Variants in FAM135B observed in about 807,000 individuals in gnomAD.
FAM135B encodes the protein family with sequence similarity 135 member B.
FAM135B carries 43 observed loss-of-function variants against 127.7 expected under a neutral mutation model. That is an observed-to-expected ratio of 0.34 (90% CI 0.26 to 0.43). The LOEUF (loss-of-function observed/expected upper bound fraction) is 0.43. FAM135B is among the 20% of genes least tolerant of loss of function. The probability of loss-of-function intolerance (pLI) is 1.00; values close to 1 mark genes in which losing one functional copy is unlikely to be tolerated. For synonymous variants in FAM135B, 670 were observed against 665.1 expected, an observed-to-expected ratio of 1.01 and a Z score of -0.11; for missense variants, 1,558 against 1,725.6, an observed-to-expected ratio of 0.90 and a Z score of 1.72.
Position 138,262,725 on chromosome 8 carries a change from C to T in FAM135B, c.297+2978G>A, listed in dbSNP as rs550681238. 5.9e-5 allele frequency among the ~76,000 whole-genome samples: 9 copies of T among 151,728 alleles called. No individual in the cohort carries two copies. In the East Asian group the frequency reaches 1.2e-3, roughly 20 times the overall value. Reference sequence around the variant, plus strand: ...ACCAGCCTGGCCAACATAGTGAAACCTTGTCTCTACTAAAAATACAAAAAA... The same window carrying T: ...ACCAGCCTGGCCAACATAGTGAAACTTTGTCTCTACTAAAAATACAAAAAA... On this transcript the variant is annotated intron_variant, in intron 4 of 19. Coordinates refer to ENST00000395297, the MANE Select transcript of FAM135B (RefSeq NM_015912.4).
At chr8:138,477,756 T>C (rs1000741929) in intron 1 of FAM135B, among the ~76,000 whole-genome samples, 6 of 152,240 alleles carry the variant, frequency 3.9e-5, no homozygotes, top group Non-Finnish European at 7.3e-5. Context: ...AAGATGTTAG[T>C]GAAAGTCTAG....
At chr8:138,311,535 G>A (rs1053781902) in intron 2 of FAM135B, among the ~76,000 whole-genome samples, 1 of 152,188 alleles carries the variant, frequency 6.6e-6, no homozygotes, top group African/African-American at 2.4e-5. Flanking sequence ...AGCATCTTTT[G>A]AAGTTCTGTG....
At chr8:138,339,009 G>C (rs1056488990) in intron 2 of FAM135B, among the ~76,000 whole-genome samples, 11 of 149,302 alleles carry the variant, frequency 7.4e-5, no homozygotes, top group African/African-American at 2.7e-4. Flanking sequence ...CTATCGCAAG[G>C]ACAAAAAACC....
chr8:138,417,273 T>G (rs951474035), intron 1 of FAM135B, among the ~76,000 whole-genome samples: 1 of 152,152 alleles, frequency 6.6e-6, no homozygotes, highest in Admixed American at 6.5e-5. Flanking sequence ...CTGCACCTAG[T>G]TGCAACACAG....
At chr8:138,468,764 G>A (rs28576807) in intron 1 of FAM135B, among the ~76,000 whole-genome samples, 65,263 of 152,062 alleles carry the variant, frequency 0.43, 15,986 homozygotes, top group East Asian at 0.76. Context: ...AAAATTGGAG[G>A]CCGGATACGG....
chr8:138,150,139 T>C (rs997334369), intron 13 of FAM135B, among the ~76,000 whole-genome samples: 5 of 152,164 alleles, frequency 3.3e-5, no homozygotes, highest in African/African-American at 1.2e-4. Context: ...CATAATCAGA[T>C]ATATAGTTTA....
At chr8:138,496,338 C>A (rs908020013) in intron 1 of FAM135B, among the ~76,000 whole-genome samples, 24 of 152,276 alleles carry the variant, frequency 1.6e-4, no homozygotes, top group Non-Finnish European at 1.6e-4. Context: ...GCCTGGCCCC[C>A]GGGTTCCCTG....
At chr8:138,298,574 A>G (rs542730090) in intron 3 of FAM135B, among the ~76,000 whole-genome samples, 1 of 152,282 alleles carries the variant, frequency 6.6e-6, no homozygotes, top group African/African-American at 2.4e-5. Flanking sequence ...TAAGTGTAAG[A>G]GGAACCCAGC....
intron 1 of FAM135B, among the ~76,000 whole-genome samples, chr8:138,405,025 T>C (rs1007649523): frequency 2.4e-4 from 37 of 152,240 alleles, no homozygotes; most frequent in Admixed American, 2.2e-3. Flanking sequence ...GAGGAATCAC[T>C]ACCTATTGCA....
At position 138,159,184 on chromosome 8, in the gene FAM135B, A is replaced by G. The variant is rs1819092719; in HGVS notation, c.1259-5968T>C. On this transcript the variant is annotated intron_variant, in intron 12 of 19. Transcript: ENST00000395297. ...CTACTCGGGAGGCTGAGGCAGGAGA[A>G]TGGCGTGAACCCGGGAAGCGGAGCT... Among the ~76,000 whole-genome samples, 3 of 142,620 alleles carry G rather than the reference A, an allele frequency of 2.1e-5. No individual in the cohort carries two copies. In the Admixed American group the frequency reaches 2.2e-4, roughly 10 times the overall value. The allele number at this position is 142,620 out of a possible 152,430, so 93.6% of individuals were successfully genotyped here. A position where few individuals can be genotyped will look rare whatever the true frequency, so the allele number is the denominator to read the frequency against.
chr8:138,265,704 C>A lies in FAM135B; in HGVS notation c.296G>T (p.Arg99Met). ...FRVHLLLGGERMEDALSEVDF... is the reference protein window; with the variant it reads ...FRVHLLLGGEMMEDALSEVDF... ...GCTGGTGGTAGATTCATGACTTACC[C>A]TTTCACCACCCAAGAGTAAATGAAC... The change falls in exon 4 of 20, where the codon AGG (arginine) becomes ATG (methionine). Residue 99 changes from arginine (R) to methionine (M), a missense_variant and splice_region_variant. Arg to Met is a moderately conservative substitution (Grantham distance 91). Around this residue, in one of 5 missense-constraint regions of FAM135B, gnomAD observed 199 missense variants for 245.7 expected, o/e 0.81. Coordinates refer to ENST00000395297, the MANE Select transcript of FAM135B (RefSeq NM_015912.4). 1 of 1,613,998 alleles carries A rather than the reference C, an allele frequency of 6.2e-7. No homozygotes were observed. Among genetic ancestry groups the A allele is most frequent in the Non-Finnish European group, 8.5e-7 (1 of 1,179,960 alleles).
At chr8:138,226,150 C>CGTGTGTGTGTGTGTGTGTGT (rs72185111) in intron 7 of FAM135B, among the ~76,000 whole-genome samples, 7 of 133,546 alleles carry the variant, frequency 5.2e-5, no homozygotes, top group African/African-American at 2.8e-5. Context: ...GGGGACCCAC[C>CGTGTGTGTGTGTGTGTGTGT]GTGTGTGTGT....
At chr8:138,211,683 A>G (rs4909405) in intron 7 of FAM135B, among the ~76,000 whole-genome samples, 110,656 of 152,128 alleles carry the variant, frequency 0.73, 40,522 homozygotes, top group East Asian at 0.83. Context: ...CTGCTAGTAC[A>G]CTGCTGAATG....
intron 1 of FAM135B, among the ~76,000 whole-genome samples, chr8:138,378,939 A>C (rs915265703): frequency 1.3e-5 from 2 of 152,194 alleles, no homozygotes; most frequent in Non-Finnish European, 2.9e-5. Flanking sequence ...AAAGATGAGG[A>C]AGCTCTATTA....
chr8:138,413,725 C>T (rs757018616), intron 1 of FAM135B, among the ~76,000 whole-genome samples: 5 of 151,934 alleles, frequency 3.3e-5, no homozygotes, highest in Non-Finnish European at 7.4e-5. Context: ...GTTAGGGTGA[C>T]TGGAATAAAA....
At chr8:138,219,225 A>G (rs1818829897) in intron 7 of FAM135B, among the ~76,000 whole-genome samples, 2 of 152,220 alleles carry the variant, frequency 1.3e-5, no homozygotes, top group South Asian at 4.1e-4. Context: ...TATGCGTAAC[A>G]TGGGAGATAG....
At position 138,152,550 on chromosome 8, in the gene FAM135B, T is replaced by A. The variant is rs2130773679; in HGVS notation, c.1925A>T (p.Asp642Val). 1 of 1,614,162 alleles carries A rather than the reference T, an allele frequency of 6.2e-7. No homozygotes were observed. The highest frequency in any genetic ancestry group is 8.5e-7 in the Non-Finnish European group (1 of 1,180,016). Residue 642 changes from aspartate to valine, a missense_variant, in exon 13 of 20, where the codon GAT becomes GTT. This residue lies in a region of FAM135B where 923 missense variants were observed against 865.3 expected (regional missense o/e 1.07). Coordinates refer to ENST00000395297, the MANE Select transcript of FAM135B (RefSeq NM_015912.4). Reference protein sequence around the residue: ...SLKLTPSEPCDPLSSTLREPL... With the variant: ...SLKLTPSEPCVPLSSTLREPL... ...CTCCCTCAGGGTAGAACTTAGTGGA[T>A]CACAGGGCTCAGAGGGGGTGAGTTT...
In FAM135B at chr8:138,184,233, A is replaced by G. The variant is rs570819887; in HGVS notation, c.874-5543T>C. ...TTGCCCCCTGAAGGTCTGAAATACA[A>G]GGTGTGCAGGAGGGCTGGGGCACCT... On this transcript the variant is annotated intron_variant, in intron 9 of 19. Transcript: ENST00000395297. Among the ~76,000 whole-genome samples the G allele has an allele frequency of 6.6e-5, 10 of 152,300 alleles. No homozygotes were observed. In the East Asian group the frequency reaches 1.4e-3, roughly 21 times the overall value.
intron 2 of FAM135B, among the ~76,000 whole-genome samples, chr8:138,366,608 TG>T (rs1422385904): frequency 6.6e-6 from 1 of 152,164 alleles, no homozygotes; most frequent in East Asian, 1.9e-4. Context: ...TCTCACTGCC[TG>T]GAGTTCAGGT....
Sources: allele counts gnomAD v4.1 joint callset (sites outside exome capture counted in the v4.1 genomes callset), GRCh38; gene constraint gnomAD v4.1.1; regional missense constraint gnomAD v4.1.1; transcripts MANE v1.5; gene names NCBI Gene and HGNC (gene_info 2026-07-23, HGNC 2026-07-21).